The following BIN2 variants were observed in gnomAD, a reference collection of about 807,000 sequenced individuals.
BIN2 encodes bridging integrator 2.
A neutral mutation model predicts 67.9 loss-of-function variants in BIN2; 43 were observed. That is an observed-to-expected ratio of 0.63 (90% confidence interval 0.50 to 0.82). The LOEUF (loss-of-function observed/expected upper bound fraction) is 0.82. Ranked by LOEUF, BIN2 falls within the 40% of genes least tolerant of loss-of-function variation. The probability of loss-of-function intolerance (pLI) is 0.00; values close to 1 mark genes in which losing one functional copy is unlikely to be tolerated. For missense variants in BIN2, 581 were observed against 671.6 expected, an observed-to-expected ratio of 0.87 and a Z score of 1.49; for synonymous variants, 244 against 246.8, an observed-to-expected ratio of 0.99 and a Z score of 0.11.
chr12:51,310,499 T>A (rs1188702725), intron 2 of BIN2, among the ~76,000 whole-genome samples: 1 of 152,230 alleles, frequency 6.6e-6, no homozygotes, highest in East Asian at 1.9e-4. Context: ...CTGGTTTTTT[T>A]AAAAGATAGC....
rs1364789767 is a variant in BIN2 at position 51,295,576 on chromosome 12, AAATATATATATATATATATATATATATAT to A, written c.761+191_761+219del. Among the ~76,000 whole-genome samples, 10 of 18,406 alleles carry A rather than the reference AAATATATATATATATATATATATATATAT, an allele frequency of 5.4e-4. 1 individual carries two copies. The highest frequency in any genetic ancestry group is 4.4e-3 in the East Asian group (1 of 226). The allele number at this position is 18,406 out of a possible 152,430, so 12.1% of individuals were successfully genotyped here. A position where few individuals can be genotyped will look rare whatever the true frequency, so the allele number is the denominator to read the frequency against. On this transcript the variant is annotated intron_variant, in intron 9 of 12. Coordinates refer to ENST00000615107, the MANE Select transcript of BIN2 (RefSeq NM_016293.4). ...AGACTCCGTCTCAAAAAAAAAAAAAAAATATATATATATATATATATATATATATATATATATATATATATATATATATA... is the reference window on the plus strand; with the variant it reads ...AGACTCCGTCTCAAAAAAAAAAAAAAATATATATATATATATATATATATA...
intron 10 of BIN2, among the ~76,000 whole-genome samples, chr12:51,289,724 T>A (rs1465226470): frequency 1.3e-5 from 2 of 151,686 alleles, no homozygotes; most frequent in East Asian, 1.9e-4. Context: ...GACTTAAAAA[T>A]TTTTTTTTGA....
rs1199706594 is a variant in BIN2, at chr12:51,302,776, C to A, written c.222G>T (p.Met74Ile). The change falls in exon 4 of 13, where the codon ATG becomes ATT. Residue 74 changes from methionine to isoleucine, a missense_variant. Physicochemically the swap from Met to Ile is conservative, Grantham distance 10. Coordinates refer to ENST00000615107, the MANE Select transcript of BIN2 (RefSeq NM_016293.4). ...CTGACACTCTTTTTGAACTTTCATG[C>A]ATCACTGAAAGGAGAGAATTCAGTC... ...LKNFLSAVKV[M>I]HESSKRVSET... 5 of 1,611,614 alleles carry A rather than the reference C, an allele frequency of 3.1e-6. No homozygotes were observed. The highest frequency in any genetic ancestry group is 4.2e-6 in the Non-Finnish European group (5 of 1,177,814).
intron 10 of BIN2, among the ~76,000 whole-genome samples, chr12:51,291,135 C>T (rs1365015782): frequency 6.6e-6 from 1 of 151,650 alleles, no homozygotes; most frequent in Non-Finnish European, 1.5e-5. Context: ...GGTGACAGAG[C>T]GAGACTCCAT....
intron 9 of BIN2, 74 bp from the exon 10 acceptor site, chr12:51,292,418 C>G: frequency 7.2e-7 from 1 of 1,391,248 alleles, no homozygotes; most frequent in South Asian, 1.5e-5. Flanking sequence ...ACTTACGATG[C>G]ATGTAATAAA....
At chr12:51,285,702 C>T (rs1204156259) in intron 11 of BIN2, among the ~76,000 whole-genome samples, 3 of 150,028 alleles carry the variant, frequency 2.0e-5, no homozygotes, top group Non-Finnish European at 4.4e-5. Context: ...TGGTTCACTG[C>T]AACCTCCACC....
At chr12:51,324,265 C>T (rs1168511957), upstream of BIN2, 6 of 1,422,102 alleles carry the variant, frequency 4.2e-6, no homozygotes, top group Non-Finnish European at 1.8e-6. Flanking sequence ...CTCAGCCCAC[C>T]ACTGTCAGCT....
rs1356742673 is a variant in BIN2, at chr12:51,288,228, C to A, written c.1516-40G>T. 3.2e-6 allele frequency: 5 copies of A among 1,550,234 alleles called. No homozygotes were observed. In the Admixed American group the frequency reaches 8.4e-5, roughly 26 times the overall value. ...GAACAATGGAGGAGAGAGTCCCACA[C>A]CTTCCACCTGGGGGCCATCCCTGTG... On this transcript the variant is annotated intron_variant, in intron 10 of 12. Coordinates refer to ENST00000615107, the MANE Select transcript of BIN2 (RefSeq NM_016293.4).
At chr12:51,303,614 A>G (rs975266118) in intron 2 of BIN2, among the ~76,000 whole-genome samples, 2 of 151,988 alleles carry the variant, frequency 1.3e-5, no homozygotes, top group Non-Finnish European at 2.9e-5. Flanking sequence ...CACCTTTTAT[A>G]CTACTCCAAG....
At chr12:51,313,553 A>G (rs576744821) in intron 2 of BIN2, among the ~76,000 whole-genome samples, 34 of 151,750 alleles carry the variant, frequency 2.2e-4, no homozygotes, top group African/African-American at 6.3e-4. Flanking sequence ...GTTGGCCAGG[A>G]TGGTCTCAAA....
In BIN2 at chr12:51,292,041, G is replaced by A; in HGVS notation, c.1065C>T (p.Ala355=). 1 of 1,614,150 alleles carries A rather than the reference G, an allele frequency of 6.2e-7. No homozygotes were observed. Among genetic ancestry groups the A allele is most frequent in the Non-Finnish European group, 8.5e-7 (1 of 1,180,004 alleles). ...QAQPSPTTER[A]KSQEEVLPSS... Reference sequence around the variant, plus strand: ...TGGGGAGAACTTCCTCCTGGGACTTGGCCCTTTCAGTGGTAGGAGAGGGCT... The same window carrying A: ...TGGGGAGAACTTCCTCCTGGGACTTAGCCCTTTCAGTGGTAGGAGAGGGCT... The change falls in exon 10 of 13, where the codon GCC becomes GCT. Residue 355 remains alanine, a synonymous_variant. Transcript: ENST00000615107.
upstream of BIN2, chr12:51,324,250 C>T (rs1946374161): frequency 7.0e-7 from 1 of 1,431,052 alleles, no homozygotes; most frequent in Non-Finnish European, 9.1e-7. Flanking sequence ...CCCTGAGGCC[C>T]GCCCCTCAGC....
chr12:51,291,356 C>G (rs1313337808), intron 10 of BIN2, among the ~76,000 whole-genome samples: 1 of 152,044 alleles, frequency 6.6e-6, no homozygotes, highest in Non-Finnish European at 1.5e-5. Flanking sequence ...CATCTGTAAT[C>G]TCAGCACTTT....
rs1224982795 is a variant in BIN2, at chr12:51,292,286, G to A, written c.820C>T (p.Pro274Ser). ...GAGGGACTAGTAGGTGAGGTAAGAG[G>A]ACTGGAGACTGTAGCTGTTCGAACT... Reference protein sequence around the residue: ...PPVRTATVSSPLTSPTSPSTL... With the variant: ...PPVRTATVSSSLTSPTSPSTL... The change falls in exon 10 of 13, where the codon CCT (proline) becomes TCT (serine). Residue 274 changes from proline (P) to serine (S), a missense_variant. Coordinates refer to ENST00000615107, the MANE Select transcript of BIN2 (RefSeq NM_016293.4). 2 of 1,600,770 alleles carry A rather than the reference G, an allele frequency of 1.2e-6. No homozygotes were observed. Among genetic ancestry groups the A allele is most frequent in the Admixed American group, 1.7e-5 (1 of 60,006 alleles).
chr12:51,312,700 A>C (rs1185346396), intron 2 of BIN2, among the ~76,000 whole-genome samples: 1 of 152,178 alleles, frequency 6.6e-6, no homozygotes, highest in Non-Finnish European at 1.5e-5. Context: ...CTGCCTTTGT[A>C]CATATTTGAA....
In BIN2 at chr12:51,292,274, G is replaced by C; in HGVS notation, c.832C>G (p.Pro278Ala). 1 of 1,601,744 alleles carries C rather than the reference G, an allele frequency of 6.2e-7. No homozygotes were observed. ...TATVSSPLTS[P>A]TSPSTLSLKS... is the part of the protein sequence containing the mutation. ...AAGGAAAGTGTAGAGGGACTAGTAG[G>C]TGAGGTAAGAGGACTGGAGACTGTA... Residue 278 changes from proline (P) to alanine (A), a missense_variant, in exon 10 of 13, where the codon CCT becomes GCT. Coordinates refer to ENST00000615107, the MANE Select transcript of BIN2 (RefSeq NM_016293.4).
At chr12:51,296,735 T>C (rs1489172070) in intron 8 of BIN2, among the ~76,000 whole-genome samples, 1 of 152,138 alleles carries the variant, frequency 6.6e-6, no homozygotes, top group African/African-American at 2.4e-5. Context: ...AGAAACTGAC[T>C]TGTCCTTAAA....
chr12:51,303,150 G>A lies in BIN2; in HGVS notation c.163-9C>T. The A allele has an allele frequency of 6.2e-7, 1 of 1,613,614 alleles. No homozygotes were observed. Among genetic ancestry groups the A allele is most frequent in the East Asian group, 2.2e-5 (1 of 44,888 alleles). Reference sequence around the variant, plus strand: ...AGCTTGTGGCCTTCTGCCTGAAAGAGAAAAGTACATTTGGTGACTAAAGAG... The same window carrying A: ...AGCTTGTGGCCTTCTGCCTGAAAGAAAAAAGTACATTTGGTGACTAAAGAG... On this transcript the variant is annotated splice_polypyrimidine_tract_variant and intron_variant, in intron 2 of 12. Transcript: ENST00000615107.
chr12:51,323,454 G>A (rs1946340981), intron 1 of BIN2, among the ~76,000 whole-genome samples: 1 of 149,700 alleles, frequency 6.7e-6, no homozygotes, highest in African/African-American at 2.6e-5. Context: ...AACGCCAAAG[G>A]GAGGGTAGAA....
Sources: gnomAD v4.1 joint callset for allele counts (sites outside exome capture counted in the v4.1 genomes callset) on GRCh38, gnomAD v4.1.1 for gene constraint, MANE v1.5 for transcripts, NCBI Gene and HGNC (gene_info 2026-07-23, HGNC 2026-07-21) for gene names.